Variants in PCDHAC2 observed in about 807,000 individuals in gnomAD.
PCDHAC2 encodes the protein protocadherin alpha subfamily C, 2.
Under a neutral mutation model 63.3 loss-of-function variants are expected in PCDHAC2, and 24 were observed. That is an observed-to-expected ratio of 0.38 (90% confidence interval 0.27 to 0.53). The LOEUF is 0.53. Ranked by LOEUF, PCDHAC2 falls within the 20% of genes least tolerant of loss-of-function variation. The probability of loss-of-function intolerance (pLI) is 0.81; values close to 1 mark genes in which losing one functional copy is unlikely to be tolerated. For synonymous variants in PCDHAC2, 569 were observed against 529.4 expected, an observed-to-expected ratio of 1.07 and a Z score of -1.03; for missense variants, 1,181 against 1,275.2, an observed-to-expected ratio of 0.93 and a Z score of 1.12.
Position 141,000,690 on chromosome 5 carries a change from A to G in PCDHAC2, c.2714-8937A>G, listed in dbSNP as rs550187550. On this transcript the variant is annotated intron_variant, in intron 3 of 3. Transcript: ENST00000289269. The stretch of plus-strand genomic sequence containing the variant: ...TGATCCACCTGCCTCTGCCTCCCAA[A>G]GTGCTGGGATTACAGGCATGAGCCA... 4.2e-3 allele frequency among the ~76,000 whole-genome samples: 638 copies of G among 151,554 alleles called. 1 individual carries two copies. The highest frequency in any genetic ancestry group is 7.2e-3 in the Non-Finnish European group (489 of 67,874).
At chr5:140,987,045 C>G (rs1344958949) in intron 3 of PCDHAC2, among the ~76,000 whole-genome samples, 1 of 151,982 alleles carries the variant, frequency 6.6e-6, no homozygotes, top group Non-Finnish European at 1.5e-5. Flanking sequence ...GAAACCCCAT[C>G]TCTACTAAAG....
intron 3 of PCDHAC2, among the ~76,000 whole-genome samples, chr5:141,001,011 A>G (rs912284389): frequency 3.9e-5 from 6 of 152,206 alleles, no homozygotes; most frequent in African/African-American, 1.4e-4. Context: ...ATGTATTTAG[A>G]TATACACTTA....
intron 1 of PCDHAC2, among the ~76,000 whole-genome samples, chr5:140,973,759 C>G (rs1050304490): frequency 2.0e-5 from 3 of 152,250 alleles, no homozygotes; most frequent in Non-Finnish European, 4.4e-5. Flanking sequence ...TGCAGGGACA[C>G]AGCCTGGCAT....
chr5:140,981,042 C>A (rs782145088), intron 2 of PCDHAC2, among the ~76,000 whole-genome samples: 22 of 151,970 alleles, frequency 1.4e-4, no homozygotes, highest in Non-Finnish European at 2.9e-4. Flanking sequence ...GGAAAAAAAA[C>A]AGATAATTCT....
intron 3 of PCDHAC2, among the ~76,000 whole-genome samples, chr5:140,989,205 C>G (rs750885432): frequency 6.6e-6 from 1 of 152,192 alleles, no homozygotes; most frequent in Admixed American, 6.5e-5. Flanking sequence ...TTCTAGCTTT[C>G]TTTATACACC....
At chr5:140,975,896 T>C (rs1267301126) in intron 1 of PCDHAC2, among the ~76,000 whole-genome samples, 1 of 152,202 alleles carries the variant, frequency 6.6e-6, no homozygotes, top group Non-Finnish European at 1.5e-5. Context: ...CATATGGAGT[T>C]TTGTGACCAT....
chr5:140,967,278 G>A lies in PCDHAC2; in HGVS notation c.512G>A (p.Ser171Asn), dbSNP rs2096121968. Residue 171 changes from serine to asparagine, a missense_variant, in exon 1 of 4, where the codon AGT (serine) becomes AAT (asparagine). Ser to Asn is a conservative substitution (Grantham distance 46, BLOSUM62 1). Coordinates refer to ENST00000289269, the MANE Select transcript of PCDHAC2 (RefSeq NM_018899.6). Reference protein sequence around the residue: ...VAPGARFHIESAQDPDVGANS... With the variant: ...VAPGARFHIENAQDPDVGANS... ...CCTGGAGCGCGCTTTCACATAGAGAGTGCGCAGGACCCCGACGTGGGCGCC... is the reference window on the plus strand; with the variant it reads ...CCTGGAGCGCGCTTTCACATAGAGAATGCGCAGGACCCCGACGTGGGCGCC... The A allele has an allele frequency of 6.2e-7, 1 of 1,613,290 alleles. No homozygotes were observed.
chr5:140,968,776 A>C lies in PCDHAC2; in HGVS notation c.2010A>C (p.Leu670=). 1 of 1,614,200 alleles carries C rather than the reference A, an allele frequency of 6.2e-7. No individual in the cohort carries two copies. Among genetic ancestry groups the C allele is most frequent in the Non-Finnish European group, 8.5e-7 (1 of 1,180,046 alleles). Residue 670 remains leucine (L), a synonymous_variant, in exon 1 of 4, where the codon CTA becomes CTC. Coordinates refer to ENST00000289269, the MANE Select transcript of PCDHAC2 (RefSeq NM_018899.6). ...TCCGAGATAATGGAGAGCCATCACTATCAGCCTCTGTGGCCATTACAGTAG... is the reference window on the plus strand; with the variant it reads ...TCCGAGATAATGGAGAGCCATCACTCTCAGCCTCTGTGGCCATTACAGTAG... ...VVVRDNGEPS[L]SASVAITVAV...
In PCDHAC2 at chr5:141,011,549, GA is replaced by G. The variant is rs2098421039; in HGVS notation, c.*1615del. Reference sequence around the variant, plus strand: ...CCATTGTTAATCAGCTTTTGTGTATGAAAGACACAGTAAAATTTCTTTCTTA... The same window carrying G: ...CCATTGTTAATCAGCTTTTGTGTATGAAGACACAGTAAAATTTCTTTCTTA... On this transcript the variant is annotated 3_prime_UTR_variant, in exon 4 of 4. Coordinates refer to ENST00000289269, the MANE Select transcript of PCDHAC2 (RefSeq NM_018899.6). 1 of 153,674 alleles carries G rather than the reference GA, an allele frequency of 6.5e-6. No individual in the cohort carries two copies. Among genetic ancestry groups the G allele is most frequent in the Non-Finnish European group, 1.5e-5 (1 of 68,008 alleles). The allele number at this position is 153,674 out of a possible 1,614,324, so 9.5% of individuals were successfully genotyped here. A position where few individuals can be genotyped will look rare whatever the true frequency, so the allele number is the denominator to read the frequency against.
chr5:140,978,810 G>C, intron 1 of PCDHAC2, 139 bp from the exon 2 acceptor site: 2 of 1,500,034 alleles, frequency 1.3e-6, no homozygotes, highest in Non-Finnish European at 1.8e-6. Flanking sequence ...TATCATCATA[G>C]AGTTACACAT....
intron 1 of PCDHAC2, among the ~76,000 whole-genome samples, chr5:140,973,020 T>A (rs1057155557): frequency 6.6e-6 from 1 of 152,120 alleles, no homozygotes; most frequent in Non-Finnish European, 1.5e-5. Flanking sequence ...TTGTGATTGT[T>A]AATGAGTCAC....
intron 3 of PCDHAC2, among the ~76,000 whole-genome samples, chr5:141,002,843 A>G (rs2098098678): frequency 6.6e-6 from 1 of 152,224 alleles, no homozygotes; most frequent in African/African-American, 2.4e-5. Context: ...AGGACTATGC[A>G]CTAGTGAGAG....
intron 3 of PCDHAC2, among the ~76,000 whole-genome samples, chr5:140,998,396 T>A (rs2097810780): frequency 6.6e-6 from 1 of 152,212 alleles, no homozygotes. Flanking sequence ...ATGCCATCTT[T>A]ATGCCAAAGT....
At position 140,967,086 on chromosome 5, in the gene PCDHAC2, G is replaced by C; in HGVS notation, c.320G>C (p.Arg107Pro). 1.9e-6 allele frequency: 3 copies of C among 1,613,210 alleles called. No homozygotes were observed. The highest frequency in any genetic ancestry group is 2.5e-6 in the Non-Finnish European group (3 of 1,179,720). ...CTCTTCGTCAACGAGCGCATTGATCGGGAGGCGCTGTGTGAGCAGCGGCCT... is the reference window on the plus strand; with the variant it reads ...CTCTTCGTCAACGAGCGCATTGATCCGGAGGCGCTGTGTGAGCAGCGGCCT... Reference protein sequence around the residue: ...GALFVNERIDREALCEQRPRC... With the variant: ...GALFVNERIDPEALCEQRPRC... The change falls in exon 1 of 4, where the codon CGG becomes CCG. Residue 107 changes from arginine to proline, a missense_variant. This residue lies in a region of PCDHAC2 where 210 missense variants were observed against 184.9 expected (regional missense o/e 1.14). Coordinates refer to ENST00000289269, the MANE Select transcript of PCDHAC2 (RefSeq NM_018899.6).
intron 2 of PCDHAC2, 26 bp downstream of exon 2, chr5:140,979,033 C>G: frequency 6.2e-7 from 1 of 1,613,044 alleles, no homozygotes; most frequent in Admixed American, 1.7e-5. Flanking sequence ...CTCATTCACT[C>G]AGAAGTAACC....
chr5:140,984,426 G>A (rs781888913), intron 3 of PCDHAC2, among the ~76,000 whole-genome samples: 2 of 152,160 alleles, frequency 1.3e-5, no homozygotes, highest in South Asian at 2.1e-4. Flanking sequence ...AGATAGAGAA[G>A]GGGATCTCCC....
At chr5:140,997,668 T>TTA (rs2097778675) in intron 3 of PCDHAC2, among the ~76,000 whole-genome samples, 1 of 148,244 alleles carries the variant, frequency 6.7e-6, no homozygotes, top group African/African-American at 2.5e-5. Flanking sequence ...ATTATACAGC[T>TTA]TGTGTGTGTG....
intron 3 of PCDHAC2, among the ~76,000 whole-genome samples, chr5:140,999,505 A>T (rs1221080631): frequency 1.3e-5 from 2 of 152,134 alleles, no homozygotes; most frequent in African/African-American, 4.8e-5. Context: ...AAGAACCTAC[A>T]TTTTAAGCAT....
intron 3 of PCDHAC2, among the ~76,000 whole-genome samples, chr5:140,992,700 G>A (rs2097525204): frequency 6.6e-6 from 1 of 152,162 alleles, no homozygotes; most frequent in Non-Finnish European, 1.5e-5. Flanking sequence ...GGTGGGTAAT[G>A]TTCCTGCCAG....
Sources: gnomAD v4.1 joint callset for allele counts (sites outside exome capture counted in the v4.1 genomes callset) on GRCh38, gnomAD v4.1.1 for gene constraint, gnomAD v4.1.1 regional missense constraint, MANE v1.5 for transcripts, NCBI Gene and HGNC (gene_info 2026-07-23, HGNC 2026-07-21) for gene names.